ATP1B1: variants seen among roughly 807,000 people sequenced by gnomAD.
ATP1B1 encodes the protein sodium/potassium-transporting ATPase subunit beta-1.
Under a neutral mutation model 39.6 loss-of-function variants are expected in ATP1B1, and 3 were observed. That is an observed-to-expected ratio of 0.08 (90% CI 0.03 to 0.20). ATP1B1 has a LOEUF of 0.20. Among genes scored for constraint, ATP1B1 ranks in the 10% least tolerant of loss-of-function variants. The pLI is 1.00. For missense variants in ATP1B1, 216 were observed against 371.1 expected (o/e 0.58, Z 3.43); for synonymous variants, 139 against 135.0 (o/e 1.03, Z -0.20).
intron 1 of ATP1B1, among the ~76,000 whole-genome samples, chr1:169,111,122 A>T (rs1017734736): frequency 6.6e-6 from 1 of 152,102 alleles, no homozygotes; most frequent in African/African-American, 2.4e-5. Flanking sequence ...AAATATAAGG[A>T]TCCTAGTTCT....
chr1:169,121,273 GCAC>G (rs1191067121), intron 2 of ATP1B1, among the ~76,000 whole-genome samples: 1 of 152,108 alleles, frequency 6.6e-6, no homozygotes, highest in Non-Finnish European at 1.5e-5. Flanking sequence ...AACAACAGAG[GCAC>G]TTACAAGAAA....
chr1:169,130,527 G>A (rs10800403), intron 5 of ATP1B1, among the ~76,000 whole-genome samples: 1 of 151,914 alleles, frequency 6.6e-6, no homozygotes, highest in African/African-American at 2.4e-5. Context: ...AGTGGCTCAC[G>A]CCTGTAATCC....
intron 1 of ATP1B1, among the ~76,000 whole-genome samples, chr1:169,108,708 AAG>A (rs1327307313): frequency 6.6e-6 from 1 of 152,178 alleles, no homozygotes; most frequent in African/African-American, 2.4e-5. Context: ...GAGAGAGAGA[AAG>A]AGAGACCGTG....
At position 169,132,165 on chromosome 1, in the gene ATP1B1, T is replaced by A. The variant is rs767366022; in HGVS notation, c.*610T>A. On this transcript the variant is annotated 3_prime_UTR_variant, in exon 6 of 6. Transcript: ENST00000367815. Reference sequence around the variant, plus strand: ...TCCTGGGGGCTGGGGTGGGGGTTTGTCATGGGGGAACTGCCCTTTAAATTT... The same window carrying A: ...TCCTGGGGGCTGGGGTGGGGGTTTGACATGGGGGAACTGCCCTTTAAATTT... 3 of 632,734 alleles carry A rather than the reference T, an allele frequency of 4.7e-6. No individual in the cohort carries two copies. Among genetic ancestry groups the A allele is most frequent in the East Asian group, 6.8e-5 (2 of 29,468 alleles). 39.2% of individuals were successfully genotyped at this position (632,734 alleles called of 1,614,324 possible). A position where few individuals can be genotyped will look rare whatever the true frequency, so the allele number is the denominator to read the frequency against.
chr1:169,111,706 C>T (rs1381107236), intron 2 of ATP1B1, among the ~76,000 whole-genome samples: 2 of 152,150 alleles, frequency 1.3e-5, no homozygotes, highest in African/African-American at 2.4e-5. Context: ...TCTTATTTGC[C>T]CAGTTCTAGA....
intron 2 of ATP1B1, among the ~76,000 whole-genome samples, chr1:169,120,383 C>T (rs1263071889): frequency 6.6e-6 from 1 of 152,132 alleles, no homozygotes; most frequent in African/African-American, 2.4e-5. Context: ...TAGTTACCAC[C>T]GTCTAAGACC....
chr1:169,109,837 C>A (rs1383205472), intron 1 of ATP1B1, among the ~76,000 whole-genome samples: 5 of 152,064 alleles, frequency 3.3e-5, no homozygotes, highest in African/African-American at 1.2e-4. Context: ...CTGACTGTTA[C>A]ACCAACTCTT....
chr1:169,120,201 T>A (rs764822910), intron 2 of ATP1B1, among the ~76,000 whole-genome samples: 1 of 152,192 alleles, frequency 6.6e-6, no homozygotes, highest in African/African-American at 2.4e-5. Context: ...GAAGAGCTAC[T>A]AAGGAGGCAG....
At position 169,131,339 on chromosome 1, in the gene ATP1B1, G is replaced by A. The variant is rs1348070801; in HGVS notation, c.696G>A (p.Leu232=). The change falls in exon 6 of 6, where the codon CTG becomes CTA. Residue 232 remains leucine (L), a synonymous_variant. Coordinates refer to ENST00000367815, the MANE Select transcript of ATP1B1 (RefSeq NM_001677.4). The surrounding 1 kb of genome is among the most constrained non-coding windows in gnomAD (Gnocchi z 4.4). ...TTGGAAATGTGGAGTATTTTGGACT[G>A]GGCAACTCCCCTGGTTTTCCTCTGC... ...DKVGNVEYFG[L]GNSPGFPLQY... The A allele has an allele frequency of 1.2e-6, 2 of 1,614,178 alleles. No homozygotes were observed. The highest frequency in any genetic ancestry group is 2.2e-5 in the South Asian group (2 of 91,074).
intron 1 of ATP1B1, chr1:169,110,852 C>A: frequency 2.4e-6 from 1 of 417,872 alleles, no homozygotes; most frequent in Non-Finnish European, 4.0e-6. Flanking sequence ...TCTCAGGATT[C>A]ATTGCTCTGC....
In ATP1B1 at chr1:169,131,405, C is replaced by T; in HGVS notation, c.762C>T (p.Tyr254=). The part of the protein sequence containing the change: ...PYYGKLLQPK[Y]LQPLLAVQFT... ...ATGGCAAACTCCTGCAGCCCAAATA[C>T]CTGCAGCCCCTGCTGGCCGTACAGT... Residue 254 remains tyrosine, a synonymous_variant, in exon 6 of 6, where the codon TAC becomes TAT. Transcript: ENST00000367815. This position sits in a 1 kb window ranked among gnomAD's most constrained non-coding sequence, Gnocchi z 4.4. 1.2e-6 allele frequency: 2 copies of T among 1,614,180 alleles called. No individual in the cohort carries two copies. Among genetic ancestry groups the T allele is most frequent in the South Asian group, 1.1e-5 (1 of 91,078 alleles).
intron 2 of ATP1B1, among the ~76,000 whole-genome samples, chr1:169,118,025 G>A (rs76787782): frequency 9.7e-4 from 148 of 152,154 alleles, no homozygotes; most frequent in Non-Finnish European, 1.7e-3. Flanking sequence ...TTATCTATTT[G>A]TTTATGTTAT....
At chr1:169,127,506 C>A in intron 4 of ATP1B1, 98 bp downstream of exon 4, 1 of 1,330,436 alleles carries the variant, frequency 7.5e-7, no homozygotes, top group Non-Finnish European at 1.0e-6. Context: ...AAAGTATACT[C>A]AGTGCTGACT....
chr1:169,114,922 T>A (rs1557948136), intron 2 of ATP1B1, among the ~76,000 whole-genome samples: 1 of 151,892 alleles, frequency 6.6e-6, no homozygotes, highest in Non-Finnish European at 1.5e-5. Flanking sequence ...CCAGGAGTGG[T>A]GACTCACGTC....
intron 2 of ATP1B1, among the ~76,000 whole-genome samples, chr1:169,113,810 T>G (rs1469156420): frequency 6.6e-6 from 1 of 152,226 alleles, no homozygotes; most frequent in Non-Finnish European, 1.5e-5. Context: ...ATTCCTGTCC[T>G]GTGGTCTGAG....
chr1:169,109,018 G>C (rs1385325762), intron 1 of ATP1B1, among the ~76,000 whole-genome samples: 1 of 152,226 alleles, frequency 6.6e-6, no homozygotes, highest in Non-Finnish European at 1.5e-5. Flanking sequence ...GCGAGGGCAG[G>C]ATGCCCTTGG....
chr1:169,128,819 T>C (rs1341283730), intron 4 of ATP1B1, among the ~76,000 whole-genome samples: 1 of 152,222 alleles, frequency 6.6e-6, no homozygotes, highest in African/African-American at 2.4e-5. Flanking sequence ...TTGTGATTGA[T>C]TTCTTCCCAC....
At chr1:169,107,691 C>G (rs946862739) in intron 1 of ATP1B1, among the ~76,000 whole-genome samples, 1 of 151,612 alleles carries the variant, frequency 6.6e-6, no homozygotes, top group Non-Finnish European at 1.5e-5. Flanking sequence ...CAGCCTGTTG[C>G]TTGGTTGGAT....
At chr1:169,121,296 T>C (rs970697539) in intron 2 of ATP1B1, among the ~76,000 whole-genome samples, 2 of 152,216 alleles carry the variant, frequency 1.3e-5, no homozygotes, top group Non-Finnish European at 2.9e-5. Flanking sequence ...AGATTTGTCA[T>C]AGTCTATCAG....
Sources: gnomAD v4.1 joint callset for allele counts (sites outside exome capture counted in the v4.1 genomes callset) on GRCh38, gnomAD v4.1.1 for gene constraint, Gnocchi (gnomAD v3.1) non-coding constraint, MANE v1.5 for transcripts, NCBI Gene and HGNC (gene_info 2026-07-23, HGNC 2026-07-21) for gene names.